The following COL4A4 variants were observed in gnomAD, a reference collection of about 807,000 sequenced individuals.
COL4A4 encodes the protein collagen type IV alpha 4 chain, also known as collagen alpha-4(IV) chain.
COL4A4 carries 105 observed loss-of-function variants against 192.9 expected under a neutral mutation model. The observed-to-expected ratio is 0.54, with a 90% CI of 0.46 to 0.64. The LOEUF (loss-of-function observed/expected upper bound fraction) is 0.64, where lower values mean the gene tolerates loss of function less well. COL4A4 is among the 30% of genes least tolerant of loss of function. The probability of loss-of-function intolerance (pLI) is 0.00; values close to 1 mark genes in which losing one functional copy is unlikely to be tolerated. For synonymous variants in COL4A4, 762 were observed against 769.9 expected (o/e 0.99, Z 0.17); for missense variants, 1,967 against 2,169.3 (o/e 0.91, Z 1.85).
intron 25 of COL4A4, among the ~76,000 whole-genome samples, chr2:227,065,073 G>A (rs1262659186): frequency 5.3e-5 from 8 of 152,256 alleles, no homozygotes; most frequent in Non-Finnish European, 5.9e-5. Flanking sequence ...TGCCTCACTT[G>A]GGAAGTGCAA....
chr2:226,990,326 C>T, the COL4A4 span, among the ~76,000 whole-genome samples: 2 of 152,306 alleles, frequency 1.3e-5, no homozygotes, highest in African/African-American at 2.4e-5. Flanking sequence ...ACATGGGTCG[C>T]ATGCTGCTGC....
In COL4A4 at chr2:227,051,078, G is replaced by A; in HGVS notation, c.3049C>T (p.Pro1017Ser). Residue 1017 changes from proline to serine, a missense_variant, in exon 33 of 48, where the codon CCT becomes TCT. Pro to Ser is a moderately conservative substitution (Grantham distance 74). Transcript: ENST00000396625. ...GGCCCTGGCTGACCTTTCTCACCAG[G>A]TTCCCCTCTGTGAAATCCAGGTGGT... ...YGPPGFHRGE[P>S]GEKGQPGPPG... is the part of the protein sequence containing the mutation. 1 of 1,614,172 alleles carries A rather than the reference G, an allele frequency of 6.2e-7. No homozygotes were observed. The highest frequency in any genetic ancestry group is 8.5e-7 in the Non-Finnish European group (1 of 1,180,034).
In COL4A4 at chr2:227,007,124, G is replaced by A; in HGVS notation, c.*201C>T. On this transcript the variant is annotated 3_prime_UTR_variant, in exon 48 of 48. Transcript: ENST00000396625. The stretch of plus-strand genomic sequence containing the variant: ...AAGAGTATCTAGGCTCCCTAGATTG[G>A]GAGGTCCAAACAAATCCATCTGTGC... The A allele has an allele frequency of 2.8e-6, 2 of 713,034 alleles. No homozygotes were observed. Among genetic ancestry groups the A allele is most frequent in the Non-Finnish European group, 4.9e-6 (2 of 408,756 alleles). 44.2% of individuals were successfully genotyped at this position (713,034 alleles called of 1,614,324 possible).
intron 8 of COL4A4, among the ~76,000 whole-genome samples, 187 bp from the exon 9 acceptor site, chr2:227,111,900 T>C (rs1353431701): frequency 6.6e-6 from 1 of 152,192 alleles, no homozygotes; most frequent in Non-Finnish European, 1.5e-5. Flanking sequence ...AAGCTCTGAA[T>C]TCTCCTTCTA....
intron 1 of COL4A4, among the ~76,000 whole-genome samples, chr2:227,149,895 G>C (rs1441990210): frequency 6.6e-6 from 1 of 152,166 alleles, no homozygotes; most frequent in Non-Finnish European, 1.5e-5. Context: ...GGATGGATGG[G>C]CCAATTTGCA....
At chr2:226,975,377 A>G in the COL4A4 span, among the ~76,000 whole-genome samples, 1 of 152,210 alleles carries the variant, frequency 6.6e-6, no homozygotes, top group Admixed American at 6.5e-5. Context: ...TTAGACCTCA[A>G]TAAAGCTGGA....
chr2:227,088,575 G>C (rs2059726779), intron 22 of COL4A4, 78 bp downstream of exon 22: 1 of 1,542,846 alleles, frequency 6.5e-7, no homozygotes, highest in African/African-American at 1.4e-5. Context: ...GTCTTGGGTA[G>C]TATCTTTATG....
intron 4 of COL4A4, among the ~76,000 whole-genome samples, chr2:227,136,145 G>T (rs778444328): frequency 3.5e-4 from 53 of 152,200 alleles, no homozygotes; most frequent in Non-Finnish European, 6.2e-4. Context: ...CCTTCAAGAA[G>T]TGTATGCTTG....
At chr2:227,102,440 T>C (rs1202271406) in intron 15 of COL4A4, among the ~76,000 whole-genome samples, 1 of 152,184 alleles carries the variant, frequency 6.6e-6, no homozygotes, top group Non-Finnish European at 1.5e-5. Context: ...AATATTGTAC[T>C]TTTTTTCTAG....
At chr2:227,046,085 A>ATG (rs1559490602) in intron 35 of COL4A4, among the ~76,000 whole-genome samples, 2 of 138,410 alleles carry the variant, frequency 1.4e-5, no homozygotes, top group East Asian at 4.0e-4. Flanking sequence ...ATATTTAGAT[A>ATG]TATATGTACA....
chr2:226,971,655 A>G, the COL4A4 span, among the ~76,000 whole-genome samples: 1 of 152,230 alleles, frequency 6.6e-6, no homozygotes, highest in African/African-American at 2.4e-5. Context: ...GGCTACTAAC[A>G]TTCAAATATT....
rs752691378 is a variant in COL4A4, at chr2:227,032,215, T to G, written c.3639A>C (p.Gly1213=). 2 of 1,614,100 alleles carry G rather than the reference T, an allele frequency of 1.2e-6. No homozygotes were observed. Among genetic ancestry groups the G allele is most frequent in the East Asian group, 4.5e-5 (2 of 44,888 alleles). ...VGIPGLKGER[G]DPGSPGISPP... Reference sequence around the variant, plus strand: ...GAGAGATTCCTGGGCTCCCAGGGTCTCCTCTCTCCCCTTTTAGCCCAGGTA... The same window carrying G: ...GAGAGATTCCTGGGCTCCCAGGGTCGCCTCTCTCCCCTTTTAGCCCAGGTA... Residue 1213 remains glycine, a synonymous_variant, in exon 39 of 48, where the codon GGA becomes GGC. Transcript: ENST00000396625.
Position 227,124,142 on chromosome 2 carries a change from A to G in COL4A4, c.193-2994T>C, listed in dbSNP as rs1230664216. ...GTCATATAATCCCACCAGTAGAGAA[A>G]CAAAAGAACAGACACTTTCCCTAAA... On this transcript the variant is annotated intron_variant, in intron 4 of 47. Transcript: ENST00000396625. Among the ~76,000 whole-genome samples, 3 of 152,214 alleles carry G rather than the reference A, an allele frequency of 2.0e-5. No individual in the cohort carries two copies. The East Asian group carries it at 5.8e-4, about 29-fold the overall frequency.
intron 1 of COL4A4, among the ~76,000 whole-genome samples, chr2:227,154,390 C>T (rs1266189338): frequency 6.6e-6 from 1 of 152,242 alleles, no homozygotes; most frequent in Non-Finnish European, 1.5e-5. Flanking sequence ...GGGTTCTCAT[C>T]GAATGGGGGA....
chr2:226,967,434 G>A, the COL4A4 span, among the ~76,000 whole-genome samples: 4 of 151,980 alleles, frequency 2.6e-5, no homozygotes, highest in African/African-American at 9.6e-5. Context: ...TGCACAATGT[G>A]CAGGTTTGTT....
chr2:227,128,051 C>T (rs915942243), intron 4 of COL4A4, among the ~76,000 whole-genome samples: 6 of 152,114 alleles, frequency 3.9e-5, no homozygotes, highest in Admixed American at 2.6e-4. Context: ...CATACCTTAC[C>T]TTATTTAATG....
chr2:227,130,800 T>C (rs982918885), intron 4 of COL4A4, among the ~76,000 whole-genome samples: 2 of 152,220 alleles, frequency 1.3e-5, no homozygotes, highest in African/African-American at 2.4e-5. Flanking sequence ...CACCACTGTC[T>C]GCACAGCAGC....
At chr2:227,049,660 A>T (rs1973637743) in intron 34 of COL4A4, among the ~76,000 whole-genome samples, 1 of 152,210 alleles carries the variant, frequency 6.6e-6, no homozygotes, top group South Asian at 2.1e-4. Context: ...CCTAACTGGG[A>T]CTCTAAAAGC....
chr2:227,135,112 T>C (rs889601857), intron 4 of COL4A4, among the ~76,000 whole-genome samples: 21 of 152,154 alleles, frequency 1.4e-4, no homozygotes, highest in African/African-American at 4.6e-4. Context: ...AGATGGGCCA[T>C]AGTGAGGTTC....
Sources: gnomAD v4.1 joint callset for allele counts (sites outside exome capture counted in the v4.1 genomes callset) on GRCh38, gnomAD v4.1.1 for gene constraint, MANE v1.5 for transcripts, NCBI Gene and HGNC (gene_info 2026-07-23, HGNC 2026-07-21) for gene names.